TENM1: variants seen among roughly 807,000 people sequenced by gnomAD.
TENM1 encodes teneurin-1.
Under a neutral mutation model 174.8 loss-of-function variants are expected in TENM1, and 35 were observed. The observed-to-expected ratio is 0.20, with a 90% CI of 0.15 to 0.27. TENM1 has a LOEUF of 0.27. Among genes scored for constraint, TENM1 ranks in the 10% least tolerant of loss-of-function variants. TENM1 has a pLI of 1.00. For synonymous variants in TENM1, 781 were observed against 798.7 expected (o/e 0.98, Z 0.37); for missense variants, 1,633 against 2,130.1 (o/e 0.77, Z 4.59).
At chrX:125,068,553 G>A in the TENM1 span, among the ~76,000 whole-genome samples, 808 of 111,449 alleles carry the variant, frequency 7.2e-3, 13 homozygotes, top group African/African-American at 0.025. Context: ...AACAAGACAT[G>A]GTATTTAACC....
chrX:124,555,514 G>A (rs1443280101), intron 14 of TENM1, among the ~76,000 whole-genome samples: 1 of 111,911 alleles, frequency 8.9e-6, no homozygotes, highest in Non-Finnish European at 1.9e-5. Flanking sequence ...ATACTAACTT[G>A]TTGTAACACA....
Position 124,752,811 on chromosome X carries a change from A to G in TENM1, c.536-15614T>C, listed in dbSNP as rs753673770. ...AAAGATCAGATAGTTGTAGATATGCAGCATTATTTCTGAGGGCTCTGTTCT... is the reference window on the plus strand; with the variant it reads ...AAAGATCAGATAGTTGTAGATATGCGGCATTATTTCTGAGGGCTCTGTTCT... On this transcript the variant is annotated intron_variant, in intron 3 of 31. Transcript: ENST00000422452. Among the ~76,000 whole-genome samples the G allele has an allele frequency of 7.6e-3, 840 of 109,831 alleles. 12 individuals carry two copies. The highest frequency in any genetic ancestry group is 0.01 in the Non-Finnish European group (538 of 52,485).
At chrX:124,729,591 T>G (rs1309322626) in intron 4 of TENM1, among the ~76,000 whole-genome samples, 1 of 112,048 alleles carries the variant, frequency 8.9e-6, no homozygotes, top group Non-Finnish European at 1.9e-5. Context: ...ATCTAGACAT[T>G]GGGAATTTTG....
chrX:124,730,528 G>A (rs1379335105), intron 4 of TENM1, among the ~76,000 whole-genome samples: 1 of 111,132 alleles, frequency 9.0e-6, no homozygotes, highest in Non-Finnish European at 1.9e-5. Context: ...GTAGTGGATT[G>A]GAGAGTCTAT....
chrX:124,675,912 G>A (rs186226609), intron 5 of TENM1, among the ~76,000 whole-genome samples: 188 of 108,679 alleles, frequency 1.7e-3, no homozygotes, highest in Non-Finnish European at 2.7e-3. Flanking sequence ...ATATCTAGTG[G>A]AAGAATCTTC....
chrX:125,168,924 T>C, the TENM1 span, among the ~76,000 whole-genome samples: 192 of 110,928 alleles, frequency 1.7e-3, 1 homozygote, highest in African/African-American at 5.9e-3. Context: ...TTGGTGTCAT[T>C]GCAGGCCACT....
At chrX:124,536,295 T>C (rs924329091) in intron 15 of TENM1, among the ~76,000 whole-genome samples, 3 of 111,157 alleles carry the variant, frequency 2.7e-5, no homozygotes, top group Non-Finnish European at 5.7e-5. Flanking sequence ...GCAAACCCAA[T>C]ACAATGTCCT....
intron 10 of TENM1, among the ~76,000 whole-genome samples, chrX:124,642,668 T>C (rs1341962164): frequency 1.8e-5 from 2 of 111,920 alleles, no homozygotes; most frequent in African/African-American, 6.5e-5. Context: ...TCCATTTGTC[T>C]CTGATTCTGT....
the TENM1 span, among the ~76,000 whole-genome samples, chrX:125,128,899 C>T: frequency 9.0e-6 from 1 of 110,758 alleles, no homozygotes; most frequent in Non-Finnish European, 1.9e-5. Flanking sequence ...CTTGTGTTTC[C>T]CCCAAATTCA....
intron 4 of TENM1, among the ~76,000 whole-genome samples, chrX:124,707,871 G>C (rs2052948467): frequency 8.9e-6 from 1 of 111,834 alleles, no homozygotes; most frequent in Non-Finnish European, 1.9e-5. Flanking sequence ...GTTCATTCTT[G>C]CAACAGTGTC....
At chrX:124,830,481 G>A (rs1475850148) in intron 3 of TENM1, among the ~76,000 whole-genome samples, 3 of 111,671 alleles carry the variant, frequency 2.7e-5, no homozygotes, top group African/African-American at 9.8e-5. Context: ...CACTCAAAGA[G>A]GGTATCATTA....
At chrX:124,859,556 AAAAC>A (rs2056875481) in intron 3 of TENM1, among the ~76,000 whole-genome samples, 1 of 110,241 alleles carries the variant, frequency 9.1e-6, no homozygotes, top group Non-Finnish European at 1.9e-5. Context: ...AAAAAAAAAA[AAAAC>A]AAAAAGAAAG....
intron 11 of TENM1, among the ~76,000 whole-genome samples, chrX:124,572,191 A>G (rs1244091548): frequency 9.0e-6 from 1 of 111,699 alleles, no homozygotes; most frequent in Non-Finnish European, 1.9e-5. Flanking sequence ...ACACATACAC[A>G]CACACATGCG....
the TENM1 span, among the ~76,000 whole-genome samples, chrX:124,992,791 T>C: frequency 8.9e-6 from 1 of 111,899 alleles, no homozygotes; most frequent in African/African-American, 3.2e-5. Context: ...AAGTTATATA[T>C]ATACATGGCT....
rs146058809 is a variant in TENM1 at position 124,807,470 on chromosome X, G to A, written c.536-70273C>T. ...AAAACTAAAGGAAAAGAATGTCAAT[G>A]AATAACATGATATCATCTGAAAGTA... is the stretch of plus-strand genomic sequence containing the variant. On this transcript the variant is annotated intron_variant, in intron 3 of 31. Transcript: ENST00000422452. Among the ~76,000 whole-genome samples the A allele has an allele frequency of 6.3e-3, 708 of 111,962 alleles. 6 individuals are homozygous for A. Among genetic ancestry groups the A allele is most frequent in the African/African-American group, 0.022 (679 of 30,834 alleles).
intron 3 of TENM1, among the ~76,000 whole-genome samples, chrX:124,811,428 A>G (rs1470149827): frequency 9.0e-6 from 1 of 111,643 alleles, no homozygotes; most frequent in Non-Finnish European, 1.9e-5. Context: ...AACATCACTA[A>G]TCATCAGGGA....
the TENM1 span, among the ~76,000 whole-genome samples, chrX:124,989,457 C>T: frequency 4.5e-5 from 5 of 110,521 alleles, no homozygotes; most frequent in Non-Finnish European, 9.5e-5. Flanking sequence ...GTCAATTGTC[C>T]CCAAATTGCC....
intron 11 of TENM1, among the ~76,000 whole-genome samples, chrX:124,584,536 C>T (rs369933880): frequency 9.0e-6 from 1 of 111,196 alleles, no homozygotes; most frequent in Non-Finnish European, 1.9e-5. Flanking sequence ...CTGAAGGAAG[C>T]ACTAAACATG....
intron 3 of TENM1, among the ~76,000 whole-genome samples, chrX:124,757,590 C>G (rs2054295761): frequency 8.9e-6 from 1 of 112,504 alleles, no homozygotes; most frequent in Admixed American, 9.3e-5. Context: ...CTGCGTCGCT[C>G]ACGCTGGGAG....
Sources: allele counts gnomAD v4.1 joint callset (sites outside exome capture counted in the v4.1 genomes callset), GRCh38; gene constraint gnomAD v4.1.1; transcripts MANE v1.5; gene names NCBI Gene and HGNC (gene_info 2026-07-23, HGNC 2026-07-21).